INVS: variants seen among roughly 807,000 people sequenced by gnomAD.
The protein encoded by INVS is inversin.
In INVS, 86 loss-of-function variants were observed where a neutral mutation model predicts 108.8. The ratio of observed to expected loss-of-function variants is 0.79; its 90% CI spans 0.66 to 0.95. INVS has a LOEUF of 0.95. Ranked by LOEUF, INVS falls within the 40% of genes least tolerant of loss-of-function variation. The probability of loss-of-function intolerance (pLI) is 0.00; values close to 1 mark genes in which losing one functional copy is unlikely to be tolerated. For synonymous variants in INVS, 455 were observed against 473.5 expected (o/e 0.96, Z 0.51); for missense variants, 1,169 against 1,297.4 (o/e 0.90, Z 1.52).
intron 2 of INVS, among the ~76,000 whole-genome samples, chr9:100,107,191 C>G (rs1463899573): frequency 6.6e-6 from 1 of 152,174 alleles, no homozygotes; most frequent in Non-Finnish European, 1.5e-5. Flanking sequence ...AGGAGCAGCA[C>G]ATTGTCAGTA....
chr9:100,273,856 A>C (rs1027729686), intron 12 of INVS, among the ~76,000 whole-genome samples: 14 of 151,916 alleles, frequency 9.2e-5, no homozygotes. Flanking sequence ...CCCATTTCTT[A>C]ACACATCTGT....
At chr9:100,289,623 G>C (rs921965157) in intron 13 of INVS, among the ~76,000 whole-genome samples, 1 of 152,206 alleles carries the variant, frequency 6.6e-6, no homozygotes, top group African/African-American at 2.4e-5. Context: ...GGCAATTGGT[G>C]GTGGCTGTTG....
chr9:100,293,695 A>G (rs1313088059), intron 14 of INVS, among the ~76,000 whole-genome samples: 1 of 152,206 alleles, frequency 6.6e-6, no homozygotes, highest in Non-Finnish European at 1.5e-5. Context: ...CAGACTCCCA[A>G]TATAGTAGAG....
At chr9:100,100,692 A>ATATGTATATATAATATATATAT (rs1826840908) in intron 1 of INVS, among the ~76,000 whole-genome samples, 4 of 1,678 alleles carry the variant, frequency 2.4e-3, no homozygotes, top group African/African-American at 4.1e-3. Context: ...TATATATATT[A>ATATGTATATATAATATATATAT]TATATGTACA....
At chr9:100,234,963 G>C (rs1252649112) in intron 5 of INVS, among the ~76,000 whole-genome samples, 1 of 152,126 alleles carries the variant, frequency 6.6e-6, no homozygotes, top group African/African-American at 2.4e-5. Flanking sequence ...TGACAGTGGG[G>C]TGTTAAAGTA....
intron 3 of INVS, among the ~76,000 whole-genome samples, chr9:100,187,525 CTTTTTT>C (rs34728274): frequency 1.0e-4 from 11 of 105,562 alleles, no homozygotes; most frequent in Admixed American, 6.8e-4. Context: ...TCTATGATTT[CTTTTTT>C]TTTTTTTTTT....
At chr9:100,209,408 T>C (rs1830766655) in intron 3 of INVS, among the ~76,000 whole-genome samples, 1 of 152,066 alleles carries the variant, frequency 6.6e-6, no homozygotes, top group Non-Finnish European at 1.5e-5. Context: ...TAGGAAAAAT[T>C]CAGTGATTTG....
intron 2 of INVS, among the ~76,000 whole-genome samples, chr9:100,124,733 A>G (rs943603315): frequency 6.6e-6 from 1 of 152,152 alleles, no homozygotes; most frequent in Non-Finnish European, 1.5e-5. Context: ...TATCTGTGTC[A>G]TCACAGTGTC....
intron 3 of INVS, among the ~76,000 whole-genome samples, chr9:100,192,135 G>T (rs950525265): frequency 3.3e-5 from 5 of 152,042 alleles, no homozygotes; most frequent in African/African-American, 2.4e-5. Context: ...TTAAGTTCCT[G>T]TGTTGCTTCT....
chr9:100,186,276 A>G (rs989382953), intron 3 of INVS, among the ~76,000 whole-genome samples: 1 of 152,054 alleles, frequency 6.6e-6, no homozygotes, highest in Non-Finnish European at 1.5e-5. Flanking sequence ...CAGCCCCCTC[A>G]GTAGCTGGGA....
rs1833989628 is a variant in INVS, at chr9:100,302,036, C to T, written c.*1362C>T. 2 of 507,420 alleles carry T rather than the reference C, an allele frequency of 3.9e-6. No homozygotes were observed. The highest frequency in any genetic ancestry group is 6.9e-6 in the Non-Finnish European group (2 of 290,062). The allele number at this position is 507,420 out of a possible 1,614,324, so 31.4% of individuals were successfully genotyped here. A position where few individuals can be genotyped will look rare whatever the true frequency, so the allele number is the denominator to read the frequency against. ...CCAGCCTACACATCAATAGGAACGC[C>T]CAAACATTATTTTCATATATCAGTG... On this transcript the variant is annotated 3_prime_UTR_variant, in exon 17 of 17. Coordinates refer to ENST00000262457, the MANE Select transcript of INVS (RefSeq NM_014425.5).
rs111681340 is a variant in INVS at position 100,226,297 on chromosome 9, G to A, written c.447+62G>A. On this transcript the variant is annotated intron_variant, in intron 4 of 16. Transcript: ENST00000262457. Reference sequence around the variant, plus strand: ...GAAAGCAAATGCTTCCTTTTATGATGTGAAATTTCAAGGAAGAAGGCCTGA... The same window carrying A: ...GAAAGCAAATGCTTCCTTTTATGATATGAAATTTCAAGGAAGAAGGCCTGA... The A allele has an allele frequency of 2.7e-6, 4 of 1,464,130 alleles. No homozygotes were observed. The African/African-American group carries it at 4.2e-5, about 15-fold the overall frequency. The allele number at this position is 1,464,130 out of a possible 1,614,324, so 90.7% of individuals were successfully genotyped here. A position where few individuals can be genotyped will look rare whatever the true frequency, so the allele number is the denominator to read the frequency against.
chr9:100,215,763 A>G (rs190032579), intron 3 of INVS, among the ~76,000 whole-genome samples: 26 of 152,278 alleles, frequency 1.7e-4, no homozygotes, highest in Admixed American at 4.6e-4. Context: ...AAAAATGTCT[A>G]TGGTGGAAAG....
intron 2 of INVS, among the ~76,000 whole-genome samples, chr9:100,124,251 T>C (rs1039349158): frequency 9.2e-5 from 14 of 151,884 alleles, no homozygotes; most frequent in Admixed American, 1.3e-4. Context: ...GTATACTTAT[T>C]TTATCACAGT....
intron 3 of INVS, among the ~76,000 whole-genome samples, chr9:100,198,571 A>C (rs1441576864): frequency 1.3e-5 from 2 of 149,768 alleles, no homozygotes; most frequent in African/African-American, 4.9e-5. Context: ...GATTACAGAC[A>C]TGAAGATGTG....
intron 3 of INVS, among the ~76,000 whole-genome samples, chr9:100,173,877 T>G (rs534976991): frequency 1.3e-5 from 2 of 152,314 alleles, no homozygotes; most frequent in East Asian, 1.9e-4. Flanking sequence ...GCAGCCAAGC[T>G]AAGGCTAAAA....
At chr9:100,218,355 C>T (rs928014312) in intron 3 of INVS, among the ~76,000 whole-genome samples, 1 of 152,142 alleles carries the variant, frequency 6.6e-6, no homozygotes, top group African/African-American at 2.4e-5. Context: ...AACATCTGGC[C>T]TCTTCAGTAC....
chr9:100,173,622 A>C (rs1394046172), intron 3 of INVS, among the ~76,000 whole-genome samples: 2 of 152,104 alleles, frequency 1.3e-5, no homozygotes, highest in East Asian at 3.9e-4. Context: ...CCAGCTACTC[A>C]GGAGGCTGAG....
At chr9:100,115,934 T>G (rs1281391836) in intron 2 of INVS, among the ~76,000 whole-genome samples, 1 of 152,276 alleles carries the variant, frequency 6.6e-6, no homozygotes, top group African/African-American at 2.4e-5. Context: ...TGTTCCTATT[T>G]CTCCACATCC....
Sources: gnomAD v4.1 joint callset for allele counts (sites outside exome capture counted in the v4.1 genomes callset) on GRCh38, gnomAD v4.1.1 for gene constraint, MANE v1.5 for transcripts, NCBI Gene and HGNC (gene_info 2026-07-23, HGNC 2026-07-21) for gene names.